The following DTD1 variants were observed in gnomAD, a reference collection of about 807,000 sequenced individuals.
DTD1 encodes D-aminoacyl-tRNA deacylase 1.
DTD1 carries 13 observed loss-of-function variants against 25.6 expected under a neutral mutation model. The observed-to-expected ratio is 0.51, with a 90% CI of 0.33 to 0.81. DTD1 has a LOEUF of 0.81. DTD1 is among the 30% of genes least tolerant of loss of function. The pLI, the probability that DTD1 is intolerant of heterozygous loss-of-function variation, is 0.02. For synonymous variants in DTD1, 110 were observed against 103.6 expected, an observed-to-expected ratio of 1.06 and a Z score of -0.37; for missense variants, 193 against 266.4, an observed-to-expected ratio of 0.72 and a Z score of 1.92.
chr20:18,593,663 G>A, intron 1 of DTD1, 68 bp from the exon 2 acceptor site: 1 of 1,113,848 alleles, frequency 9.0e-7, no homozygotes, highest in Non-Finnish European at 1.4e-6. Context: ...TACTCCTATG[G>A]TTACTTAAAA....
intron 4 of DTD1, among the ~76,000 whole-genome samples, chr20:18,741,124 C>T (rs191236978): frequency 7.2e-5 from 11 of 152,308 alleles, no homozygotes; most frequent in Non-Finnish European, 1.0e-4. Flanking sequence ...AAAACTGAGA[C>T]GGCATCTTAC....
chr20:18,701,724 G>C (rs2061105928), intron 4 of DTD1, among the ~76,000 whole-genome samples: 1 of 152,240 alleles, frequency 6.6e-6, no homozygotes. Flanking sequence ...TTGCCCCAGT[G>C]CCTGGGATGC....
At chr20:18,620,607 T>G (rs1214470086) in intron 3 of DTD1, among the ~76,000 whole-genome samples, 1 of 148,740 alleles carries the variant, frequency 6.7e-6, no homozygotes, top group Non-Finnish European at 1.5e-5. Flanking sequence ...TTTTTTTTCT[T>G]TTTTTGAGAT....
chr20:18,704,079 C>T (rs1419644463), intron 4 of DTD1, among the ~76,000 whole-genome samples: 3 of 151,418 alleles, frequency 2.0e-5, no homozygotes, highest in Non-Finnish European at 2.9e-5. Context: ...TGGCTCACTG[C>T]AAGCTCCGCC....
chr20:18,595,383 A>G (rs570976082), intron 2 of DTD1, among the ~76,000 whole-genome samples: 2 of 151,928 alleles, frequency 1.3e-5, no homozygotes, highest in South Asian at 4.2e-4. Flanking sequence ...TTTTGTGCCT[A>G]AGCCTCCTGA....
intron 3 of DTD1, among the ~76,000 whole-genome samples, chr20:18,625,304 G>T (rs1418642922): frequency 6.6e-6 from 1 of 152,256 alleles, no homozygotes; most frequent in Non-Finnish European, 1.5e-5. Flanking sequence ...ACACCCATTT[G>T]CTGACAAAAC....
chr20:18,745,210 G>A (rs2061295420), intron 5 of DTD1, among the ~76,000 whole-genome samples: 1 of 152,190 alleles, frequency 6.6e-6, no homozygotes, highest in African/African-American at 2.4e-5. Context: ...GGCACTGTGA[G>A]TTTACTTTTC....
chr20:18,679,537 G>T (rs1222344772), intron 4 of DTD1, among the ~76,000 whole-genome samples: 1 of 152,178 alleles, frequency 6.6e-6, no homozygotes, highest in Non-Finnish European at 1.5e-5. Context: ...ACACTGATCT[G>T]CCTGATTGTC....
chr20:18,589,488 A>T (rs768383375), intron 1 of DTD1, among the ~76,000 whole-genome samples: 2 of 152,224 alleles, frequency 1.3e-5, no homozygotes, highest in Non-Finnish European at 2.9e-5. Flanking sequence ...CCGCCTAATG[A>T]TTTCTAAGCT....
chr20:18,708,458 C>T lies in DTD1; in HGVS notation c.478-35642C>T, dbSNP rs1174598045. On this transcript the variant is annotated intron_variant, in intron 4 of 5. Coordinates refer to ENST00000377452, the MANE Select transcript of DTD1 (RefSeq NM_080820.6). Reference sequence around the variant, plus strand: ...GCAACCTTCACCTCCCTGGTTCAAGCGATTCTCGTGCCTCAGCCTCCCAAG... The same window carrying T: ...GCAACCTTCACCTCCCTGGTTCAAGTGATTCTCGTGCCTCAGCCTCCCAAG... 5.5e-5 allele frequency among the ~76,000 whole-genome samples: 8 copies of T among 144,234 alleles called. No individual in the cohort carries two copies. In the East Asian group the frequency reaches 6.1e-4, roughly 11 times the overall value. 94.6% of individuals were successfully genotyped at this position (144,234 alleles called of 152,430 possible).
chr20:18,719,597 GCT>G (rs1191106343), intron 4 of DTD1, among the ~76,000 whole-genome samples: 3 of 152,212 alleles, frequency 2.0e-5, no homozygotes, highest in African/African-American at 7.2e-5. Flanking sequence ...TGTGGATTCA[GCT>G]CTTTCTCCAG....
intron 4 of DTD1, among the ~76,000 whole-genome samples, chr20:18,644,677 C>G (rs2060844049): frequency 6.7e-6 from 1 of 150,100 alleles, no homozygotes; most frequent in South Asian, 2.1e-4. Context: ...CATCTTGGTT[C>G]CTTTACTTGG....
At chr20:18,610,303 G>A (rs1040304709) in intron 3 of DTD1, among the ~76,000 whole-genome samples, 1 of 152,058 alleles carries the variant, frequency 6.6e-6, no homozygotes, top group African/African-American at 2.4e-5. Context: ...ATGTTACTTA[G>A]GCTGGGCTTG....
intron 4 of DTD1, among the ~76,000 whole-genome samples, chr20:18,649,326 CTTTTTTTTTTTTTTT>C (rs55766733): frequency 3.5e-4 from 20 of 57,652 alleles, no homozygotes; most frequent in African/African-American, 7.6e-4. Flanking sequence ...ATTCATCTTT[CTTTTTTTTTTTTTTT>C]TTTTTTTTTT....
intron 3 of DTD1, chr20:18,620,142 T>G (rs945973948): frequency 1.3e-5 from 2 of 152,222 alleles, no homozygotes; most frequent in Non-Finnish European, 2.9e-5. Context: ...ACATTGTCCT[T>G]TAGAGTTTTT....
At chr20:18,741,506 A>G (rs1429825340) in intron 4 of DTD1, among the ~76,000 whole-genome samples, 1 of 152,140 alleles carries the variant, frequency 6.6e-6, no homozygotes, top group Non-Finnish European at 1.5e-5. Context: ...TGAAGCCTGT[A>G]TATATTCATT....
chr20:18,693,655 C>CT (rs2061058050), intron 4 of DTD1, among the ~76,000 whole-genome samples: 32 of 88,036 alleles, frequency 3.6e-4, no homozygotes, highest in African/African-American at 1.2e-3. Flanking sequence ...AGACTCCCAT[C>CT]TAAAAAAAAA....
At chr20:18,649,326 CTTTTTTTTTTTTTTTT>C (rs55766733) in intron 4 of DTD1, among the ~76,000 whole-genome samples, 1,194 of 57,706 alleles carry the variant, frequency 0.021, 46 homozygotes, top group Middle Eastern at 0.078. Context: ...ATTCATCTTT[CTTTTTTTTTTTTTTTT>C]TTTTTTTTTT....
At chr20:18,595,696 A>G (rs1291873506) in intron 2 of DTD1, among the ~76,000 whole-genome samples, 2 of 152,192 alleles carry the variant, frequency 1.3e-5, no homozygotes, top group African/African-American at 2.4e-5. Context: ...GACCTAAAGG[A>G]GCAGAGAATA....
Sources: allele counts gnomAD v4.1 joint callset (sites outside exome capture counted in the v4.1 genomes callset), GRCh38; gene constraint gnomAD v4.1.1; transcripts MANE v1.5; gene names NCBI Gene and HGNC (gene_info 2026-07-23, HGNC 2026-07-21).